Variants in DLG2 observed in about 807,000 individuals in gnomAD.
DLG2 encodes discs large MAGUK scaffold protein 2, also known as disks large homolog 2.
In DLG2, 45 loss-of-function variants were observed where a neutral mutation model predicts 132.5. The ratio of observed to expected loss-of-function variants is 0.34; its 90% CI spans 0.27 to 0.44. DLG2 has a LOEUF of 0.44. Ranked by LOEUF, DLG2 falls within the 20% of genes least tolerant of loss-of-function variation. DLG2 has a pLI of 1.00. For synonymous variants in DLG2, 424 were observed against 419.6 expected (o/e 1.01, Z -0.13); for missense variants, 1,045 against 1,196.9 (o/e 0.87, Z 1.87).
At chr11:84,140,807 T>C (rs1484712153) in intron 9 of DLG2, among the ~76,000 whole-genome samples, 1 of 152,128 alleles carries the variant, frequency 6.6e-6, no homozygotes, top group African/African-American at 2.4e-5. Flanking sequence ...GGCTTAAGTC[T>C]TGAAGGCAAT....
Position 84,140,830 on chromosome 11 carries a change from T to C in DLG2, c.624+22631A>G, listed in dbSNP as rs1249078377. 2.0e-5 allele frequency among the ~76,000 whole-genome samples: 3 copies of C among 152,162 alleles called. No homozygotes were observed. In the East Asian group the frequency reaches 5.8e-4, roughly 29 times the overall value. On this transcript the variant is annotated intron_variant, in intron 9 of 27. Coordinates refer to ENST00000376104, the MANE Select transcript of DLG2 (RefSeq NM_001142699.3). ...TCTTGAAGGCAATCTGACTATATCA[T>C]GACTAGTGAGAGAATGAATATATTA...
intron 10 of DLG2, among the ~76,000 whole-genome samples, chr11:84,072,345 G>C (rs10792715): frequency 0.85 from 129,232 of 151,860 alleles, 55,405 homozygotes; most frequent in Middle Eastern, 0.93. Flanking sequence ...CTCCAGACCC[G>C]GGTTGTCTGT....
At chr11:83,584,684 G>C (rs945556898) in intron 19 of DLG2, among the ~76,000 whole-genome samples, 1 of 152,222 alleles carries the variant, frequency 6.6e-6, no homozygotes, top group African/African-American at 2.4e-5. Flanking sequence ...GGATTTTTGA[G>C]CAATACGCTG....
At chr11:84,346,244 C>T (rs1013934665) in intron 7 of DLG2, among the ~76,000 whole-genome samples, 6 of 152,162 alleles carry the variant, frequency 3.9e-5, no homozygotes, top group African/African-American at 2.4e-5. Context: ...ATGGCTAACT[C>T]ACATTTATTC....
chr11:85,012,933 AGTT>A (rs2059274306), intron 6 of DLG2, among the ~76,000 whole-genome samples: 1 of 152,168 alleles, frequency 6.6e-6, no homozygotes, highest in Non-Finnish European at 1.5e-5. Flanking sequence ...AAATTAAGAG[AGTT>A]GTTGTAAGCA....
intron 9 of DLG2, among the ~76,000 whole-genome samples, chr11:84,134,712 G>GTGTC (rs1410581406): frequency 1.3e-5 from 2 of 151,802 alleles, no homozygotes; most frequent in Non-Finnish European, 2.9e-5. Flanking sequence ...GTGTGTGTGT[G>GTGTC]TGTGTCTGTG....
chr11:83,868,147 C>T (rs978921107), intron 16 of DLG2, among the ~76,000 whole-genome samples: 10 of 152,100 alleles, frequency 6.6e-5, no homozygotes, highest in African/African-American at 1.4e-4. Flanking sequence ...TGAATCCCCT[C>T]GTTTTTAAAC....
intron 14 of DLG2, among the ~76,000 whole-genome samples, chr11:83,961,012 C>G (rs1391677271): frequency 1.3e-5 from 2 of 151,962 alleles, no homozygotes; most frequent in Admixed American, 6.6e-5. Flanking sequence ...GATATTGAGG[C>G]ATATCTCACG....
At chr11:84,062,784 A>T (rs2096611984) in intron 10 of DLG2, among the ~76,000 whole-genome samples, 1 of 150,318 alleles carries the variant, frequency 6.7e-6, no homozygotes, top group African/African-American at 2.4e-5. Context: ...GGTAGTTTAC[A>T]TTCAAATTCT....
At chr11:84,241,384 A>C (rs1247306515) in intron 8 of DLG2, among the ~76,000 whole-genome samples, 2 of 152,204 alleles carry the variant, frequency 1.3e-5, no homozygotes, top group Non-Finnish European at 2.9e-5. Context: ...CCTTCGGGGA[A>C]GCTCCTAAGA....
intron 3 of DLG2, among the ~76,000 whole-genome samples, chr11:85,485,240 A>C (rs2093402273): frequency 1.3e-5 from 2 of 152,126 alleles, no homozygotes; most frequent in South Asian, 4.1e-4. Context: ...ATTGGGAGAT[A>C]TACCTAATGC....
chr11:84,209,943 T>C (rs2096729321), intron 8 of DLG2, among the ~76,000 whole-genome samples: 1 of 152,160 alleles, frequency 6.6e-6, no homozygotes, highest in Non-Finnish European at 1.5e-5. Context: ...CAGTTAAACA[T>C]AACACCTATC....
chr11:83,978,007 G>A (rs532981283), intron 12 of DLG2, among the ~76,000 whole-genome samples: 16 of 152,126 alleles, frequency 1.1e-4, no homozygotes, highest in African/African-American at 3.9e-4. Context: ...AAACCAGGCA[G>A]AGATCTGCTC....
intron 7 of DLG2, among the ~76,000 whole-genome samples, chr11:84,442,155 G>C (rs1255644283): frequency 6.6e-6 from 1 of 152,076 alleles, no homozygotes; most frequent in Non-Finnish European, 1.5e-5. Flanking sequence ...ATTCTGTGAA[G>C]AAAGTCAATG....
intron 10 of DLG2, among the ~76,000 whole-genome samples, chr11:84,059,917 A>G (rs1008853207): frequency 1.3e-5 from 2 of 152,316 alleles, no homozygotes; most frequent in African/African-American, 4.8e-5. Context: ...ATTTTCTCAA[A>G]TTTTTAATTT....
chr11:84,546,712 C>T, intron 6 of DLG2: 1 of 502,788 alleles, frequency 2.0e-6, no homozygotes, highest in Non-Finnish European at 3.9e-6. Context: ...TATCTCATTA[C>T]CACACAGTCC....
intron 3 of DLG2, among the ~76,000 whole-genome samples, chr11:85,415,005 C>G (rs192563631): frequency 6.6e-6 from 1 of 152,164 alleles, no homozygotes; most frequent in African/African-American, 2.4e-5. Context: ...TGCTATCCTT[C>G]CCCTAGCCCC....
rs1023139610 is a variant in DLG2 at position 84,615,833 on chromosome 11, AAAAAAAAC to A, written c.358-81110_358-81103del. Among the ~76,000 whole-genome samples, 10 of 147,194 alleles carry A rather than the reference AAAAAAAAC, an allele frequency of 6.8e-5. 1 individual carries two copies. Among genetic ancestry groups the A allele is most frequent in the African/African-American group, 2.3e-4 (9 of 39,258 alleles). On this transcript the variant is annotated intron_variant, in intron 6 of 27. Coordinates refer to ENST00000376104, the MANE Select transcript of DLG2 (RefSeq NM_001142699.3). Reference sequence around the variant, plus strand: ...ACAAAAACGGTAAAAAAAAAAAAAAAAAAAAAACTTCATTCCAGTACCCCATGTAATAT... The same window carrying A: ...ACAAAAACGGTAAAAAAAAAAAAAAATTCATTCCAGTACCCCATGTAATAT...
At chr11:83,729,911 T>G (rs970481472) in intron 18 of DLG2, among the ~76,000 whole-genome samples, 11 of 152,210 alleles carry the variant, frequency 7.2e-5, no homozygotes, top group African/African-American at 2.4e-4. Context: ...CATGATACTT[T>G]ATACACAATA....
Sources: allele counts gnomAD v4.1 joint callset (sites outside exome capture counted in the v4.1 genomes callset), GRCh38; gene constraint gnomAD v4.1.1; transcripts MANE v1.5; gene names NCBI Gene and HGNC (gene_info 2026-07-23, HGNC 2026-07-21).